The following SELENOV variants were observed in gnomAD, a reference collection of about 807,000 sequenced individuals.
SELENOV encodes selenoprotein V.
In SELENOV, 25 loss-of-function variants were observed where a neutral mutation model predicts 21.6. The observed-to-expected ratio is 1.16, with a 90% CI of 0.84 to 1.62. The LOEUF is 1.62. Ranked by LOEUF, SELENOV falls within the 40% of genes most tolerant of loss-of-function variation. The pLI is 0.00. For missense variants in SELENOV, 472 were observed against 459.0 expected (o/e 1.03, Z -0.26); for synonymous variants, 227 against 216.9 (o/e 1.05, Z -0.41).
rs552449907 is a variant in SELENOV at position 39,517,015 on chromosome 19, T to C, written c.809+994T>C. ...CCTGGCCCCTAATTTTTAAATTTTG[T>C]TGTAGAGATGGGGTCGGGGATGGGG... is the stretch of plus-strand genomic sequence containing the variant. On this transcript the variant is annotated intron_variant, in intron 1 of 5. Coordinates refer to ENST00000335426, the Ensembl canonical transcript of SELENOV. Among the ~76,000 whole-genome samples the C allele has an allele frequency of 3.3e-5, 5 of 151,602 alleles. No individual in the cohort carries two copies. The East Asian group carries it at 9.8e-4, about 30-fold the overall frequency.
Position 39,515,519 on chromosome 19 carries a change from G to T in SELENOV, c.307G>T (p.Val103Phe). 6.4e-7 allele frequency: 1 copy of T among 1,550,480 alleles called. No individual in the cohort carries two copies. The highest frequency in any genetic ancestry group is 8.7e-7 in the Non-Finnish European group (1 of 1,146,792). The stretch of plus-strand genomic sequence containing the variant: ...TACTCCGGTGCCGACTCCCGTTCCC[G>T]TCCGGAACCCAACTCCGGTCCCGAC... The change falls in exon 1 of 6, where the codon GTC becomes TTC. Residue 103 changes from valine to phenylalanine, a missense_variant. Coordinates refer to ENST00000335426, the Ensembl canonical transcript of SELENOV. This position sits in a 1 kb window ranked among gnomAD's most constrained non-coding sequence, Gnocchi z 5.1.
chr19:39,517,392 G>C (rs1160697952), intron 1 of SELENOV, among the ~76,000 whole-genome samples: 4 of 152,244 alleles, frequency 2.6e-5, no homozygotes, highest in African/African-American at 9.6e-5. Context: ...CCGTCCTTGT[G>C]GCTCCCATGG....
rs371266948 is a variant in SELENOV, at chr19:39,518,714, C to T, written c.835-26C>T. ...GTCCCTGTTTCCCCTCCCCTGCAACCCCATGACCCCATCTCCTCCCCTCAG... is the reference window on the plus strand; with the variant it reads ...GTCCCTGTTTCCCCTCCCCTGCAACTCCATGACCCCATCTCCTCCCCTCAG... On this transcript the variant is annotated intron_variant, in intron 2 of 5. Coordinates refer to ENST00000335426, the Ensembl canonical transcript of SELENOV. The T allele has an allele frequency of 5.0e-6, 8 of 1,613,536 alleles. No individual in the cohort carries two copies. In the African/African-American group the frequency reaches 5.3e-5, roughly 11 times the overall value.
At chr19:39,520,625 T>G (rs2079723512) in exon 6 of SELENOV, 1 of 152,236 alleles carries the variant, frequency 6.6e-6, no homozygotes, top group South Asian at 2.1e-4. Flanking sequence ...TGTTCCAGCC[T>G]GCGCAACATA....
chr19:39,520,170 G>T (rs1256085973), exon 6 of SELENOV: 2 of 152,596 alleles, frequency 1.3e-5, no homozygotes, highest in African/African-American at 4.8e-5. Flanking sequence ...TGATGAGAAG[G>T]GCTGAAATGT....
At chr19:39,519,091 C>G (rs762713512) in exon 5 of SELENOV, 2 of 1,613,674 alleles carry the variant, frequency 1.2e-6, no homozygotes, top group Admixed American at 3.3e-5. Context: ...GCTTTGTGAA[C>G]GAGTCCAGGC....
At chr19:39,516,604 T>G (rs2079698183) in intron 1 of SELENOV, among the ~76,000 whole-genome samples, 1 of 152,084 alleles carries the variant, frequency 6.6e-6, no homozygotes, top group Admixed American at 6.6e-5. Flanking sequence ...CACTGCTCAC[T>G]GCAGCCTCGA....
At chr19:39,519,168 G>C (rs775345758) in exon 5 of SELENOV, 10 of 1,610,542 alleles carry the variant, frequency 6.2e-6, no homozygotes, top group Non-Finnish European at 7.6e-6. Flanking sequence ...GGTGGAGCTG[G>C]AGGTGAGCGT....
chr19:39,515,157 A>G lies in SELENOV; in HGVS notation c.-56A>G. ...GTGCGGGAGACGCTCTCCCCGCCCAAAGAGGGAAGGCGGGCGGGACTCCCC... is the reference window on the plus strand; with the variant it reads ...GTGCGGGAGACGCTCTCCCCGCCCAGAGAGGGAAGGCGGGCGGGACTCCCC... On this transcript the variant is annotated 5_prime_UTR_variant, in exon 1 of 6. Transcript: ENST00000335426. The surrounding 1 kb of genome is among the most constrained non-coding windows in gnomAD (Gnocchi z 5.1). 1 of 1,105,956 alleles carries G rather than the reference A, an allele frequency of 9.0e-7. No individual in the cohort carries two copies. The highest frequency in any genetic ancestry group is 2.4e-5 in the Admixed American group (1 of 42,416). The allele number at this position is 1,105,956 out of a possible 1,614,324, so 68.5% of individuals were successfully genotyped here.
intron 1 of SELENOV, among the ~76,000 whole-genome samples, chr19:39,517,589 G>C (rs1032819580): frequency 6.6e-6 from 1 of 152,100 alleles, no homozygotes; most frequent in Non-Finnish European, 1.5e-5. Flanking sequence ...GAGAGAAGGA[G>C]TTGTGTGGAT....
At position 39,518,985 on chromosome 19, in the gene SELENOV, T is replaced by A. The variant is rs1202096210; in HGVS notation, c.963+8T>A. 1.2e-6 allele frequency: 2 copies of A among 1,613,576 alleles called. No homozygotes were observed. Among genetic ancestry groups the A allele is most frequent in the Admixed American group, 3.3e-5 (2 of 59,982 alleles). Reference sequence around the variant, plus strand: ...CTGGTCCATTCCAAGAAGGTGATCCTGAGTAAAGGTCCGGGACAGGGAGGT... The same window carrying A: ...CTGGTCCATTCCAAGAAGGTGATCCAGAGTAAAGGTCCGGGACAGGGAGGT... On this transcript the variant is annotated splice_region_variant and intron_variant, in intron 4 of 5. Coordinates refer to ENST00000335426, the Ensembl canonical transcript of SELENOV.
rs1234972217 is a variant in SELENOV, at chr19:39,515,440, C to G, written c.228C>G (p.Pro76=). The change falls in exon 1 of 6, where the codon CCC becomes CCG. Residue 76 remains proline, a synonymous_variant. Transcript: ENST00000335426. The surrounding 1 kb of genome is among the most constrained non-coding windows in gnomAD (Gnocchi z 5.1). ...AGATTCCCACTCTGGTCCCCACTCC[C>G]GCTCTGGCCCGGATCCCCCGTCTGG... 1 of 1,551,622 alleles carries G rather than the reference C, an allele frequency of 6.4e-7. No homozygotes were observed. Among genetic ancestry groups the G allele is most frequent in the Non-Finnish European group, 8.7e-7 (1 of 1,146,964 alleles).
chr19:39,518,356 G>C (rs1247153522), intron 1 of SELENOV: 2 of 581,102 alleles, frequency 3.4e-6, no homozygotes, highest in East Asian at 5.7e-5. Flanking sequence ...GCTGGCACAG[G>C]GTGAATGAAT....
intron 1 of SELENOV, among the ~76,000 whole-genome samples, chr19:39,518,147 T>C (rs2079707695): frequency 6.7e-6 from 1 of 150,026 alleles, no homozygotes; most frequent in Non-Finnish European, 1.5e-5. Context: ...GGTGGGCGCC[T>C]ATAGTCCCAG....
In SELENOV at chr19:39,515,272, G is replaced by A. The variant is rs1295577508; in HGVS notation, c.60G>A (p.Arg20=). ...CGGCGCGGACTTCAACCTCAGTCCG[G>A]GCTTCTACCCCGACCCGGACACCGA... Residue 20 remains arginine, a synonymous_variant, in exon 1 of 6, where the codon CGG becomes CGA. Coordinates refer to ENST00000335426, the Ensembl canonical transcript of SELENOV. This position sits in a 1 kb window ranked among gnomAD's most constrained non-coding sequence, Gnocchi z 5.1. 3 of 1,550,860 alleles carry A rather than the reference G, an allele frequency of 1.9e-6. No individual in the cohort carries two copies. The highest frequency in any genetic ancestry group is 2.6e-6 in the Non-Finnish European group (3 of 1,146,912).
Position 39,515,906 on chromosome 19 carries a change from C to A in SELENOV, c.694C>A (p.Pro232Thr). Residue 232 changes from proline to threonine, a missense_variant, in exon 1 of 6, where the codon CCC (proline) becomes ACC (threonine). Transcript: ENST00000335426. This position sits in a 1 kb window ranked among gnomAD's most constrained non-coding sequence, Gnocchi z 5.1. ...CCCCATTCCCAGTCCTGTCCCCTCG[C>A]CCATCCTGGGGACCATCCCGTCGGC... 1 of 1,592,298 alleles carries A rather than the reference C, an allele frequency of 6.3e-7. No homozygotes were observed. The highest frequency in any genetic ancestry group is 2.3e-5 in the East Asian group (1 of 43,810).
chr19:39,516,305 G>C (rs2079696896), intron 1 of SELENOV: 1 of 607,448 alleles, frequency 1.6e-6, no homozygotes, highest in Non-Finnish European at 3.1e-6. Flanking sequence ...ATGGGGTGCT[G>C]AGTAGAGCAG....
intron 1 of SELENOV, among the ~76,000 whole-genome samples, chr19:39,516,758 C>T (rs796351986): frequency 3.3e-5 from 5 of 150,240 alleles, no homozygotes; most frequent in African/African-American, 7.4e-5. Flanking sequence ...TGCAATGGCG[C>T]GACCTCTGCT....
chr19:39,518,139 T>C (rs142490619), intron 1 of SELENOV, among the ~76,000 whole-genome samples: 1,911 of 150,748 alleles, frequency 0.013, 15 homozygotes, highest in African/African-American at 0.022. Context: ...GGCGTGGTGG[T>C]GGGCGCCTAT....
Sources: gnomAD v4.1 joint callset for allele counts (sites outside exome capture counted in the v4.1 genomes callset) on GRCh38, gnomAD v4.1.1 for gene constraint, Gnocchi (gnomAD v3.1) non-coding constraint, MANE v1.5 for transcripts, NCBI Gene and HGNC (gene_info 2026-07-23, HGNC 2026-07-21) for gene names.